CAMKMT: variants seen among roughly 807,000 people sequenced by gnomAD.
CAMKMT encodes the protein CaM KMT.
In CAMKMT, 53 loss-of-function variants were observed where a neutral mutation model predicts 48.0. That is an observed-to-expected ratio of 1.10 (90% CI 0.89 to 1.39). The LOEUF (loss-of-function observed/expected upper bound fraction) is 1.39. CAMKMT is among the 40% of genes most tolerant of loss of function. CAMKMT has a pLI of 0.00. For synonymous variants in CAMKMT, 165 were observed against 152.3 expected (o/e 1.08, Z -0.61); for missense variants, 428 against 402.7 (o/e 1.06, Z -0.54).
intron 3 of CAMKMT, among the ~76,000 whole-genome samples, chr2:44,675,628 C>A (rs1675640865): frequency 6.6e-6 from 1 of 152,156 alleles, no homozygotes; most frequent in South Asian, 2.1e-4. Context: ...ATATTCTTAT[C>A]TCCATTTTAA....
At chr2:44,765,077 A>C (rs1344844723) in intron 9 of CAMKMT, among the ~76,000 whole-genome samples, 1 of 152,082 alleles carries the variant, frequency 6.6e-6, no homozygotes, top group Non-Finnish European at 1.5e-5. Flanking sequence ...ACAAAAAAAA[A>C]ATTAGCCAGG....
At chr2:44,427,383 A>G (rs1684341200) in intron 3 of CAMKMT, among the ~76,000 whole-genome samples, 1 of 152,248 alleles carries the variant, frequency 6.6e-6, no homozygotes, top group Admixed American at 6.5e-5. Flanking sequence ...ACAGAATGGG[A>G]GAAAATATTT....
chr2:44,490,545 G>T (rs13429530), intron 3 of CAMKMT, among the ~76,000 whole-genome samples: 1 of 152,104 alleles, frequency 6.6e-6, no homozygotes, highest in Non-Finnish European at 1.5e-5. Context: ...AAAGTGCTGG[G>T]ATTACAGGCA....
intron 3 of CAMKMT, among the ~76,000 whole-genome samples, chr2:44,666,108 T>C (rs1674951348): frequency 6.6e-6 from 1 of 152,170 alleles, no homozygotes; most frequent in African/African-American, 2.4e-5. Context: ...CTCAGGCAGA[T>C]GGAAATGTAG....
At chr2:44,462,491 T>A (rs1667899170) in intron 3 of CAMKMT, among the ~76,000 whole-genome samples, 1 of 152,172 alleles carries the variant, frequency 6.6e-6, no homozygotes, top group African/African-American at 2.4e-5. Context: ...CTCTGTTGTT[T>A]GGATTTATGA....
At chr2:44,573,393 T>G (rs1279438979) in intron 3 of CAMKMT, among the ~76,000 whole-genome samples, 1 of 142,658 alleles carries the variant, frequency 7.0e-6, no homozygotes, top group East Asian at 1.9e-4. Flanking sequence ...TTTCACTCTG[T>G]TTTTTTTTAG....
At chr2:44,572,855 A>G (rs1668992642) in intron 3 of CAMKMT, among the ~76,000 whole-genome samples, 1 of 152,212 alleles carries the variant, frequency 6.6e-6, no homozygotes, top group Non-Finnish European at 1.5e-5. Flanking sequence ...TTTAGGAACC[A>G]CCATAGTGTT....
intron 3 of CAMKMT, among the ~76,000 whole-genome samples, chr2:44,641,175 A>C (rs1673432854): frequency 6.6e-6 from 1 of 152,216 alleles, no homozygotes; most frequent in African/African-American, 2.4e-5. Context: ...CTTAAATGGC[A>C]GCTTTTCCCC....
intron 3 of CAMKMT, among the ~76,000 whole-genome samples, chr2:44,640,019 T>G (rs529757478): frequency 6.6e-6 from 1 of 152,186 alleles, no homozygotes; most frequent in Non-Finnish European, 1.5e-5. Context: ...ACCCAGCAAA[T>G]ACCCATTTCC....
At chr2:44,745,929 T>C (rs1350036724) in intron 8 of CAMKMT, among the ~76,000 whole-genome samples, 1 of 152,204 alleles carries the variant, frequency 6.6e-6, no homozygotes, top group African/African-American at 2.4e-5. Context: ...CTGTAAGAGT[T>C]ATTGCATGGA....
At chr2:44,738,844 C>T (rs1370925966) in intron 7 of CAMKMT, among the ~76,000 whole-genome samples, 1 of 152,128 alleles carries the variant, frequency 6.6e-6, no homozygotes, top group African/African-American at 2.4e-5. Context: ...GGGAAGGCCT[C>T]CCTGAGAAGG....
intron 3 of CAMKMT, among the ~76,000 whole-genome samples, chr2:44,428,349 C>G (rs1362639158): frequency 6.6e-6 from 1 of 152,234 alleles, no homozygotes; most frequent in Non-Finnish European, 1.5e-5. Context: ...GCTGCCTCTT[C>G]TCTTCTCGAC....
intron 3 of CAMKMT, among the ~76,000 whole-genome samples, chr2:44,533,251 T>C (rs1450332231): frequency 6.6e-6 from 1 of 152,044 alleles, no homozygotes; most frequent in Non-Finnish European, 1.5e-5. Context: ...GATTTTTTTT[T>C]TTTTGAGACA....
chr2:44,558,783 G>T (rs1221035925), intron 3 of CAMKMT, among the ~76,000 whole-genome samples: 1 of 152,166 alleles, frequency 6.6e-6, no homozygotes, highest in Non-Finnish European at 1.5e-5. Flanking sequence ...GACTCCTGGG[G>T]TGGGATGTGG....
chr2:44,679,419 G>A (rs1675892369), intron 3 of CAMKMT, among the ~76,000 whole-genome samples: 2 of 152,050 alleles, frequency 1.3e-5, no homozygotes, highest in Non-Finnish European at 2.9e-5. Context: ...CAAAATGAAG[G>A]GAAACAGTCT....
intron 3 of CAMKMT, among the ~76,000 whole-genome samples, chr2:44,597,462 T>C (rs1309262529): frequency 1.3e-5 from 2 of 152,202 alleles, no homozygotes; most frequent in East Asian, 1.9e-4. Context: ...CTGAACTCTT[T>C]GTCAATCCTA....
chr2:44,511,818 A>G (rs981058753), intron 3 of CAMKMT, among the ~76,000 whole-genome samples: 4 of 152,018 alleles, frequency 2.6e-5, no homozygotes, highest in African/African-American at 9.7e-5. Flanking sequence ...AAGTGTTTAC[A>G]CAAATTTGAC....
intron 3 of CAMKMT, among the ~76,000 whole-genome samples, chr2:44,404,500 G>A (rs775940934): frequency 4.6e-4 from 70 of 151,942 alleles, no homozygotes; most frequent in Non-Finnish European, 2.8e-4. Context: ...CTAGTTTTTT[G>A]ATCAGTGCAA....
At chr2:44,617,116 A>G (rs771378019) in intron 3 of CAMKMT, among the ~76,000 whole-genome samples, 1 of 152,198 alleles carries the variant, frequency 6.6e-6, no homozygotes, top group Non-Finnish European at 1.5e-5. Flanking sequence ...TGTGAAAAAT[A>G]CCCACACAAG....
Sources: allele counts gnomAD v4.1 joint callset (sites outside exome capture counted in the v4.1 genomes callset), GRCh38; gene constraint gnomAD v4.1.1; transcripts MANE v1.5; gene names NCBI Gene and HGNC (gene_info 2026-07-23, HGNC 2026-07-21).